EDRF1: variants seen among roughly 807,000 people sequenced by gnomAD.
EDRF1 encodes erythroid differentiation-related factor 1.
EDRF1 carries 69 observed loss-of-function variants against 148.7 expected under a neutral mutation model. That is an observed-to-expected ratio of 0.46 (90% confidence interval 0.38 to 0.57). The LOEUF (loss-of-function observed/expected upper bound fraction) is 0.57. Ranked by LOEUF, EDRF1 falls within the 20% of genes least tolerant of loss-of-function variation. The probability of loss-of-function intolerance (pLI) is 0.00; values close to 1 mark genes in which losing one functional copy is unlikely to be tolerated. For missense variants in EDRF1, 1,118 were observed against 1,478.7 expected (o/e 0.76, Z 4.00); for synonymous variants, 515 against 532.8 (o/e 0.97, Z 0.46).
At chr10:125,722,369 TGA>T (rs1321693554) in intron 2 of EDRF1, among the ~76,000 whole-genome samples, 2 of 152,188 alleles carry the variant, frequency 1.3e-5, no homozygotes, top group African/African-American at 4.8e-5. Flanking sequence ...AAACGGAAGC[TGA>T]GAAGAGCTAA....
Position 125,733,555 on chromosome 10 carries a change from A to C in EDRF1, c.1276+4A>C. On this transcript the variant is annotated splice_donor_region_variant and intron_variant, in intron 10 of 24. Transcript: ENST00000356792. ...CATACCTATTGGCTCTTTAAAGGTAAGCTATTAATACTTCTTGAGTGAACA... is the reference window on the plus strand; with the variant it reads ...CATACCTATTGGCTCTTTAAAGGTACGCTATTAATACTTCTTGAGTGAACA... 1 of 1,604,250 alleles carries C rather than the reference A, an allele frequency of 6.2e-7. No individual in the cohort carries two copies. The highest frequency in any genetic ancestry group is 8.5e-7 in the Non-Finnish European group (1 of 1,171,200).
chr10:125,721,459 T>TA (rs1355485983), intron 2 of EDRF1, 47 bp downstream of exon 2: 1 of 1,546,750 alleles, frequency 6.5e-7, no homozygotes, highest in South Asian at 1.1e-5. Context: ...CACCCTCACT[T>TA]AAAACTCTTA....
chr10:125,721,274 C>T lies in EDRF1; in HGVS notation c.179C>T (p.Pro60Leu), dbSNP rs375934290. The change falls in exon 2 of 25, where the codon CCT becomes CTT. Residue 60 changes from proline (P) to leucine (L), a missense_variant. By Grantham distance (98) the Pro-to-Leu change is moderately conservative. Coordinates refer to ENST00000356792, the MANE Select transcript of EDRF1 (RefSeq NM_001202438.2). ...GTGGTGAAATACTCTTCTGCCCCTC[C>T]TCGAACAGCATTTGCACGCCTTGAA... is the stretch of plus-strand genomic sequence containing the variant. ...RAVVKYSSAP[P>L]RTAFARLEEK... The T allele has an allele frequency of 2.5e-6, 4 of 1,614,192 alleles. No individual in the cohort carries two copies. The African/African-American group carries it at 4.0e-5, about 16-fold the overall frequency.
intron 24 of EDRF1, among the ~76,000 whole-genome samples, chr10:125,762,538 T>G (rs1299178331): frequency 6.6e-6 from 1 of 151,496 alleles, no homozygotes. Flanking sequence ...TAATTACTAG[T>G]CTTTTCCAGT....
intron 7 of EDRF1, 110 bp downstream of exon 7, chr10:125,729,214 C>A: frequency 6.9e-7 from 1 of 1,446,346 alleles, no homozygotes; most frequent in Non-Finnish European, 9.4e-7. Context: ...GATCCTGAAA[C>A]TGCTTTCTAA....
At chr10:125,748,227 C>A (rs1849465578) in intron 21 of EDRF1, 1 of 616,216 alleles carries the variant, frequency 1.6e-6, no homozygotes, top group Admixed American at 2.5e-5. Flanking sequence ...GAAAACGAAT[C>A]CGCTGTTGGT....
chr10:125,742,056 T>C (rs1036154104), intron 17 of EDRF1, among the ~76,000 whole-genome samples: 2 of 152,210 alleles, frequency 1.3e-5, no homozygotes, highest in Non-Finnish European at 2.9e-5. Context: ...TGTAGTCAGC[T>C]AACAAAGCCA....
intron 12 of EDRF1, among the ~76,000 whole-genome samples, chr10:125,735,156 A>G (rs990353107): frequency 2.0e-5 from 3 of 151,778 alleles, no homozygotes; most frequent in Non-Finnish European, 4.4e-5. Flanking sequence ...GCTAATTTTA[A>G]GAGATATCAG....
At chr10:125,731,470 A>C (rs1369250473) in intron 9 of EDRF1, among the ~76,000 whole-genome samples, 1 of 152,202 alleles carries the variant, frequency 6.6e-6, no homozygotes, top group Non-Finnish European at 1.5e-5. Context: ...ATTGATAATA[A>C]ATCCAGCTAG....
At chr10:125,760,287 A>C (rs1850133843) in intron 24 of EDRF1, among the ~76,000 whole-genome samples, 1 of 152,362 alleles carries the variant, frequency 6.6e-6, no homozygotes, top group Admixed American at 6.5e-5. Context: ...TTCACAAGTC[A>C]ATCATTTGAG....
In EDRF1 at chr10:125,725,308, T is replaced by C; in HGVS notation, c.511-10T>C. 1.2e-6 allele frequency: 2 copies of C among 1,613,948 alleles called. No homozygotes were observed. The highest frequency in any genetic ancestry group is 1.7e-6 in the Non-Finnish European group (2 of 1,179,882). ...TGTTGTATTAATAATATGTATCTCA[T>C]GTTATCCAGACTGGTGACTGGACAT... On this transcript the variant is annotated splice_polypyrimidine_tract_variant and intron_variant, in intron 4 of 24. Coordinates refer to ENST00000356792, the MANE Select transcript of EDRF1 (RefSeq NM_001202438.2).
intron 24 of EDRF1, 116 bp downstream of exon 24, chr10:125,753,961 A>G (rs1181849319): frequency 1.0e-5 from 12 of 1,146,788 alleles, no homozygotes; most frequent in South Asian, 1.3e-5. Context: ...CACACCTGCA[A>G]TCCCAGCACT....
intron 24 of EDRF1, among the ~76,000 whole-genome samples, chr10:125,757,324 A>G (rs753704290): frequency 6.6e-6 from 1 of 152,222 alleles, no homozygotes; most frequent in Non-Finnish European, 1.5e-5. Flanking sequence ...GGCCACCTTC[A>G]AGTAATATGA....
chr10:125,742,786 G>A, intron 17 of EDRF1: 1 of 984,478 alleles, frequency 1.0e-6, no homozygotes, highest in Non-Finnish European at 1.2e-6. Flanking sequence ...TAATAAACAA[G>A]TGTACCTGGG....
chr10:125,751,433 CAT>C (rs1181540407), intron 22 of EDRF1, among the ~76,000 whole-genome samples: 9 of 140,774 alleles, frequency 6.4e-5, no homozygotes, highest in African/African-American at 2.4e-4. Flanking sequence ...TTTTCTAGTA[CAT>C]ATGATTCAGA....
At chr10:125,757,630 A>G (rs1240565201) in intron 24 of EDRF1, among the ~76,000 whole-genome samples, 3 of 152,234 alleles carry the variant, frequency 2.0e-5, no homozygotes, top group Admixed American at 6.5e-5. Flanking sequence ...TGTGCTAGCA[A>G]TGAATTCTAT....
At chr10:125,740,859 A>G in intron 16 of EDRF1, 142 bp from the exon 17 acceptor site, 2 of 1,088,782 alleles carry the variant, frequency 1.8e-6, no homozygotes, top group East Asian at 2.4e-5. Context: ...AAGCCGTAAT[A>G]TGTATTGTTG....
chr10:125,753,881 T>TA lies in EDRF1; in HGVS notation c.3545+37dup, dbSNP rs778011267. ...TGGTTATTTGTAGGAATTTCTTTCC[T>TA]AGCACCCTACCTATAAAAATTTTCT... On this transcript the variant is annotated intron_variant, in intron 24 of 24. Coordinates refer to ENST00000356792, the MANE Select transcript of EDRF1 (RefSeq NM_001202438.2). 36 of 1,608,142 alleles carry TA rather than the reference T, an allele frequency of 2.2e-5. No homozygotes were observed. The South Asian group carries it at 4.0e-4, about 18-fold the overall frequency.
At chr10:125,741,234 G>C in intron 17 of EDRF1, 33 bp downstream of exon 17, 2 of 1,587,434 alleles carry the variant, frequency 1.3e-6, no homozygotes, top group Non-Finnish European at 1.7e-6. Context: ...GTGGTTCACA[G>C]TGGGACTGTG....
Sources: allele counts gnomAD v4.1 joint callset (sites outside exome capture counted in the v4.1 genomes callset), GRCh38; gene constraint gnomAD v4.1.1; transcripts MANE v1.5; gene names NCBI Gene and HGNC (gene_info 2026-07-23, HGNC 2026-07-21).